TTC28: variants seen among roughly 807,000 people sequenced by gnomAD.
The protein encoded by TTC28 is tetratricopeptide repeat domain 28, also known as tetratricopeptide repeat protein 28.
TTC28 carries 61 observed loss-of-function variants against 198.0 expected under a neutral mutation model. That is an observed-to-expected ratio of 0.31 (90% CI 0.25 to 0.38). The LOEUF (loss-of-function observed/expected upper bound fraction) is 0.38, where lower values mean the gene tolerates loss of function less well. Among genes scored for constraint, TTC28 ranks in the 10% least tolerant of loss-of-function variants. The pLI, the probability that TTC28 is intolerant of heterozygous loss-of-function variation, is 1.00. For synonymous variants in TTC28, 1,171 were observed against 1,297.8 expected, an observed-to-expected ratio of 0.90 and a Z score of 2.10; for missense variants, 2,678 against 3,164.0, an observed-to-expected ratio of 0.85 and a Z score of 3.69.
intron 1 of TTC28, among the ~76,000 whole-genome samples, chr22:28,658,499 T>C (rs2051693892): frequency 6.6e-6 from 1 of 152,064 alleles, no homozygotes; most frequent in Non-Finnish European, 1.5e-5. Flanking sequence ...ATCATCGAGA[T>C]GGAAAATAGA....
At chr22:28,313,847 G>T (rs1487169901) in intron 2 of TTC28, among the ~76,000 whole-genome samples, 1 of 152,142 alleles carries the variant, frequency 6.6e-6, no homozygotes, top group East Asian at 1.9e-4. Context: ...ACATAGTATT[G>T]GAAGTTCTCG....
chr22:28,099,212 G>A lies in TTC28; in HGVS notation c.3418-168C>T, dbSNP rs551967212. Among the ~76,000 whole-genome samples, 4 of 152,310 alleles carry A rather than the reference G, an allele frequency of 2.6e-5. No homozygotes were observed. The South Asian group carries it at 6.2e-4, about 24-fold the overall frequency. On this transcript the variant is annotated intron_variant, in intron 9 of 22. Transcript: ENST00000397906. ...GTGTAAGGAAAAATGGATGTGCTGC[G>A]GTCAAGAATAGGCCGAGGCAGACAT...
intron 2 of TTC28, among the ~76,000 whole-genome samples, chr22:28,575,977 T>G (rs911385030): frequency 2.0e-5 from 3 of 152,276 alleles, no homozygotes; most frequent in Middle Eastern, 3.4e-3. Context: ...CTTTCCAATT[T>G]GGATGCTTTT....
At chr22:28,482,013 G>A (rs947493119) in intron 2 of TTC28, among the ~76,000 whole-genome samples, 2 of 152,216 alleles carry the variant, frequency 1.3e-5, no homozygotes, top group African/African-American at 2.4e-5. Context: ...GACTCCATAT[G>A]CATCAGCTAT....
chr22:28,370,851 G>A (rs1041407075), intron 2 of TTC28, among the ~76,000 whole-genome samples: 33 of 152,262 alleles, frequency 2.2e-4, no homozygotes, highest in Non-Finnish European at 3.2e-4. Context: ...CAGCATTAGC[G>A]GTGCATGACT....
chr22:28,385,629 A>C (rs1381142456), intron 2 of TTC28, among the ~76,000 whole-genome samples: 1 of 151,908 alleles, frequency 6.6e-6, no homozygotes, highest in African/African-American at 2.4e-5. Flanking sequence ...ATAGGCACTC[A>C]CTTATTGTGA....
intron 1 of TTC28, among the ~76,000 whole-genome samples, chr22:28,635,579 G>A (rs2051256308): frequency 6.6e-6 from 1 of 152,078 alleles, no homozygotes; most frequent in Admixed American, 6.5e-5. Flanking sequence ...AGTAACATGT[G>A]AGCCAAATGG....
chr22:28,574,070 T>C (rs571902236), intron 2 of TTC28, among the ~76,000 whole-genome samples: 1 of 152,286 alleles, frequency 6.6e-6, no homozygotes, highest in African/African-American at 2.4e-5. Context: ...TGGAGTACAG[T>C]GGCACAATCA....
rs1601430426 is a variant in TTC28, at chr22:28,176,082, A to G, written c.934-12483T>C. On this transcript the variant is annotated intron_variant, in intron 5 of 22. Transcript: ENST00000397906. ...TGGTTATATATCCAAAGGAAATAAAATCAGTATGTCAAGGAGATTACCTGC... is the reference window on the plus strand; with the variant it reads ...TGGTTATATATCCAAAGGAAATAAAGTCAGTATGTCAAGGAGATTACCTGC... Among the ~76,000 whole-genome samples the G allele has an allele frequency of 2.6e-5, 4 of 152,216 alleles. No homozygotes were observed. The South Asian group carries it at 8.3e-4, about 32-fold the overall frequency.
At chr22:28,509,806 G>T (rs543773247) in intron 2 of TTC28, among the ~76,000 whole-genome samples, 35 of 150,890 alleles carry the variant, frequency 2.3e-4, no homozygotes, top group South Asian at 2.1e-3. Flanking sequence ...AAAGAGAGAA[G>T]AATCAAATAA....
chr22:28,150,201 T>C (rs1169989433), intron 6 of TTC28, among the ~76,000 whole-genome samples: 1 of 152,176 alleles, frequency 6.6e-6, no homozygotes, highest in African/African-American at 2.4e-5. Flanking sequence ...AGGACAGCTA[T>C]GTAACCCTAC....
At chr22:28,405,041 C>A (rs2046979431) in intron 2 of TTC28, among the ~76,000 whole-genome samples, 2 of 152,158 alleles carry the variant, frequency 1.3e-5, no homozygotes, top group East Asian at 3.9e-4. Flanking sequence ...ATAAAGAATT[C>A]TATCTTCACA....
chr22:28,403,328 T>TAAAGCCG (rs2046948686), intron 2 of TTC28, among the ~76,000 whole-genome samples: 7 of 152,204 alleles, frequency 4.6e-5, no homozygotes, highest in Admixed American at 3.9e-4. Flanking sequence ...CCGTTATGAA[T>TAAAGCCG]AAAGCCGTTT....
intron 12 of TTC28, among the ~76,000 whole-genome samples, chr22:28,035,328 G>T (rs1482206733): frequency 6.6e-6 from 1 of 152,168 alleles, no homozygotes; most frequent in Non-Finnish European, 1.5e-5. Context: ...CTCCTACACC[G>T]CTGGCCCCGT....
intron 13 of TTC28, among the ~76,000 whole-genome samples, chr22:28,018,904 T>A (rs1413912275): frequency 6.6e-6 from 1 of 152,240 alleles, no homozygotes; most frequent in Non-Finnish European, 1.5e-5. Flanking sequence ...CCATCATTAG[T>A]GCTGCTGCTG....
At chr22:28,438,713 T>C (rs2047563040) in intron 2 of TTC28, among the ~76,000 whole-genome samples, 1 of 152,238 alleles carries the variant, frequency 6.6e-6, no homozygotes, top group African/African-American at 2.4e-5. Flanking sequence ...AACAAACATG[T>C]TCCTATGAGA....
At chr22:28,406,427 C>G (rs893514738) in intron 2 of TTC28, among the ~76,000 whole-genome samples, 12 of 152,154 alleles carry the variant, frequency 7.9e-5, no homozygotes, top group African/African-American at 2.4e-4. Flanking sequence ...AATGTTTTCC[C>G]AAATTTCAGG....
chr22:28,256,304 C>A (rs1246235371), intron 5 of TTC28, among the ~76,000 whole-genome samples: 1 of 151,228 alleles, frequency 6.6e-6, no homozygotes, highest in Non-Finnish European at 1.5e-5. Context: ...TACCTGTATC[C>A]CAGATACTCA....
chr22:28,217,947 AG>A lies in TTC28; in HGVS notation c.934-54349del, dbSNP rs1255201732. Among the ~76,000 whole-genome samples, 6 of 152,242 alleles carry A rather than the reference AG, an allele frequency of 3.9e-5. No homozygotes were observed. The East Asian group carries it at 1.2e-3, about 29-fold the overall frequency. On this transcript the variant is annotated intron_variant, in intron 5 of 22. Coordinates refer to ENST00000397906, the MANE Select transcript of TTC28 (RefSeq NM_001145418.2). ...AAAATCCTTAATGTTTTTGCTTAATAGAAGACAACTGGATTTTCTTATCTGC... is the reference window on the plus strand; with the variant it reads ...AAAATCCTTAATGTTTTTGCTTAATAAAGACAACTGGATTTTCTTATCTGC...
Sources: allele counts gnomAD v4.1 joint callset (sites outside exome capture counted in the v4.1 genomes callset), GRCh38; gene constraint gnomAD v4.1.1; transcripts MANE v1.5; gene names NCBI Gene and HGNC (gene_info 2026-07-23, HGNC 2026-07-21).